Variants in PSMG4 observed in about 807,000 individuals in gnomAD.
PSMG4 encodes the protein proteasome (prosome, macropain) assembly chaperone 4.
Under a neutral mutation model 11.0 loss-of-function variants are expected in PSMG4, and 10 were observed. The ratio of observed to expected loss-of-function variants is 0.91; its 90% CI spans 0.56 to 1.54. The LOEUF is 1.54. Ranked by LOEUF, PSMG4 falls within the 40% of genes most tolerant of loss-of-function variation. The pLI is 0.00. For missense variants in PSMG4, 198 were observed against 160.9 expected, an observed-to-expected ratio of 1.23 and a Z score of -1.25; for synonymous variants, 95 against 71.3, an observed-to-expected ratio of 1.33 and a Z score of -1.68.
chr6:3,267,655 A>T lies in PSMG4; in HGVS notation c.315A>T (p.Ala105=). The part of the protein sequence containing the change: ...YNLQNTDSNF[A]LLVENRIKEE... ...TTCAGAACACAGACAGTAACTTCGC[A>T]TTACTTGTAGAAAACAGGATCAAGG... is the stretch of plus-strand genomic sequence containing the variant. Residue 105 remains alanine, a synonymous_variant, in exon 3 of 3, where the codon GCA becomes GCT. Transcript: ENST00000438998. 1.3e-6 allele frequency: 2 copies of T among 1,552,230 alleles called. No homozygotes were observed. The highest frequency in any genetic ancestry group is 2.4e-5 in the South Asian group (2 of 84,066).
chr6:3,263,687 T>C lies in PSMG4; in HGVS notation c.178T>C (p.Ser60Pro). Residue 60 changes from serine to proline, a missense_variant, in exon 2 of 3, where the codon TCC (serine) becomes CCC (proline). By Grantham distance (74) the Ser-to-Pro change is moderately conservative. Transcript: ENST00000438998. ...GTGCCCTTTGCTTTTCTTTTAGGAC[T>C]CCATCCCCGTGTCTACCTCCCTCCT... is the stretch of plus-strand genomic sequence containing the variant. The part of the protein sequence containing the change: ...LAVAMCSRYD[S>P]IPVSTSLLGD... 1 of 1,546,868 alleles carries C rather than the reference T, an allele frequency of 6.5e-7. No homozygotes were observed. Among genetic ancestry groups the C allele is most frequent in the Non-Finnish European group, 8.7e-7 (1 of 1,145,070 alleles).
chr6:3,264,337 A>G (rs1376990634), intron 2 of PSMG4: 22 of 1,548,166 alleles, frequency 1.4e-5, no homozygotes, highest in Admixed American at 2.0e-5. Context: ...TAAGGCTTCC[A>G]TGTGCTCTGC....
chr6:3,260,824 T>G (rs1433113408), intron 1 of PSMG4, among the ~76,000 whole-genome samples: 1 of 152,226 alleles, frequency 6.6e-6, no homozygotes, highest in African/African-American at 2.4e-5. Flanking sequence ...TTCATTTCTC[T>G]GCTCAAAACC....
upstream of PSMG4, among the ~76,000 whole-genome samples, chr6:3,256,322 CT>C (rs1757764690): frequency 6.6e-6 from 1 of 152,226 alleles, no homozygotes; most frequent in African/African-American, 2.4e-5. Context: ...GAAATGACCC[CT>C]GATGGGTCCA....
chr6:3,258,987 G>C lies in PSMG4; in HGVS notation c.-36G>C. 8.1e-7 allele frequency: 1 copy of C among 1,238,500 alleles called. No individual in the cohort carries two copies. The highest frequency in any genetic ancestry group is 1.0e-6 in the Non-Finnish European group (1 of 990,640). 76.7% of individuals were successfully genotyped at this position (1,238,500 alleles called of 1,614,324 possible). A position where few individuals can be genotyped will look rare whatever the true frequency, so the allele number is the denominator to read the frequency against. On this transcript the variant is annotated 5_prime_UTR_variant, in exon 1 of 3. Coordinates refer to ENST00000438998, the MANE Select transcript of PSMG4 (RefSeq NM_001128591.2). ...GCGGGGCTGGCAGCGGCGAGGACCC[G>C]GGTCTGGCGCTGTGGGCCGGGAGCC...
At chr6:3,255,093 G>C (rs9503497), upstream of PSMG4, 1 of 1,550,832 alleles carries the variant, frequency 6.4e-7, no homozygotes, top group African/African-American at 1.4e-5. Flanking sequence ...TAAGAAGTTG[G>C]CTGCATAGGA....
At chr6:3,258,208 ATC>A (rs771770785), upstream of PSMG4, among the ~76,000 whole-genome samples, 13 of 152,060 alleles carry the variant, frequency 8.5e-5, no homozygotes, top group Non-Finnish European at 1.8e-4. Flanking sequence ...CTTCCCATTA[ATC>A]TCTCTTGAGA....
At chr6:3,267,425 C>T in intron 2 of PSMG4, 166 bp from the exon 3 acceptor site, 1 of 673,106 alleles carries the variant, frequency 1.5e-6, no homozygotes, top group Non-Finnish European at 2.3e-6. Context: ...AGTGACTCGT[C>T]TGCATTTGCA....
chr6:3,254,460 T>C (rs1042094531), upstream of PSMG4, among the ~76,000 whole-genome samples: 3 of 144,142 alleles, frequency 2.1e-5, no homozygotes, highest in Admixed American at 7.1e-5. Flanking sequence ...GCTTTTTTTG[T>C]GTGTCTTTTT....
upstream of PSMG4, among the ~76,000 whole-genome samples, chr6:3,254,489 GTGGTTTTTTGTGTA>G (rs1424419149): frequency 2.3e-4 from 35 of 152,014 alleles, no homozygotes; most frequent in African/African-American, 8.5e-4. Context: ...ATTGTTGCTG[GTGGTTTTTTGTGTA>G]TGTGTTGGGT....
chr6:3,261,266 G>A (rs993734656), intron 1 of PSMG4, among the ~76,000 whole-genome samples: 2 of 152,082 alleles, frequency 1.3e-5, no homozygotes, highest in African/African-American at 4.8e-5. Flanking sequence ...GGAGGGTCCT[G>A]GCAGTGGACC....
upstream of PSMG4, chr6:3,255,010 G>T: frequency 6.5e-7 from 1 of 1,543,992 alleles, no homozygotes; most frequent in South Asian, 1.2e-5. Context: ...ACTCCCATGT[G>T]GGAGCGCTGG....
At chr6:3,257,960 CTTAAAT>C (rs1350847164), upstream of PSMG4, among the ~76,000 whole-genome samples, 7 of 152,242 alleles carry the variant, frequency 4.6e-5, no homozygotes, top group Admixed American at 6.5e-5. Context: ...AAAATGCCCT[CTTAAAT>C]TTCAATTTAG....
chr6:3,258,431 C>G (rs371963472), upstream of PSMG4, among the ~76,000 whole-genome samples: 7 of 152,334 alleles, frequency 4.6e-5, no homozygotes, highest in East Asian at 7.7e-4. Flanking sequence ...CGTTGCCATT[C>G]TTAATTAGGG....
chr6:3,259,693 C>A (rs1372093124), intron 1 of PSMG4, among the ~76,000 whole-genome samples: 2 of 152,214 alleles, frequency 1.3e-5, no homozygotes, highest in African/African-American at 2.4e-5. Context: ...CAGAGCCTCG[C>A]AGTTGTCTTT....
At chr6:3,261,989 A>G (rs975839007) in intron 1 of PSMG4, among the ~76,000 whole-genome samples, 2 of 152,172 alleles carry the variant, frequency 1.3e-5, no homozygotes, top group Non-Finnish European at 2.9e-5. Flanking sequence ...CAGCTTCCCT[A>G]AACTCCCACA....
upstream of PSMG4, chr6:3,258,859 A>C (rs970625717): frequency 1.3e-5 from 8 of 619,032 alleles, no homozygotes; most frequent in Non-Finnish European, 1.9e-5. Flanking sequence ...CCCCCAACCC[A>C]AGCCCGGGAT....
chr6:3,254,950 T>A (rs1198780413), upstream of PSMG4: 12 of 1,309,970 alleles, frequency 9.2e-6, no homozygotes, highest in Non-Finnish European at 1.2e-5. Context: ...TGTCAGCTGT[T>A]GGGTGTTGCA....
chr6:3,259,233 CG>C, intron 1 of PSMG4, 37 bp downstream of exon 1: 3 of 1,029,348 alleles, frequency 2.9e-6, no homozygotes, highest in South Asian at 4.4e-5. Context: ...GGCGGCGGGG[CG>C]GGGGCGCGGG....
Sources: allele counts gnomAD v4.1 joint callset (sites outside exome capture counted in the v4.1 genomes callset), GRCh38; gene constraint gnomAD v4.1.1; transcripts MANE v1.5; gene names NCBI Gene and HGNC (gene_info 2026-07-23, HGNC 2026-07-21).